RELN: variants seen among roughly 807,000 people sequenced by gnomAD.
RELN encodes the protein reelin.
RELN carries 108 observed loss-of-function variants against 427.6 expected under a neutral mutation model. The ratio of observed to expected loss-of-function variants is 0.25; its 90% CI spans 0.22 to 0.30. The LOEUF is 0.30. Ranked by LOEUF, RELN falls within the 10% of genes least tolerant of loss-of-function variation. RELN has a pLI of 1.00. For synonymous variants in RELN, 1,524 were observed against 1,513.4 expected, an observed-to-expected ratio of 1.01 and a Z score of -0.16; for missense variants, 3,715 against 4,302.8, an observed-to-expected ratio of 0.86 and a Z score of 3.82.
chr7:103,668,632 A>T lies in RELN; in HGVS notation c.1290-7105T>A, dbSNP rs192735452. Among the ~76,000 whole-genome samples, 62 of 152,328 alleles carry T rather than the reference A, an allele frequency of 4.1e-4. 1 individual carries two copies. The highest frequency in any genetic ancestry group is 7.2e-4 in the Non-Finnish European group (49 of 68,030). On this transcript the variant is annotated intron_variant, in intron 11 of 64. Transcript: ENST00000428762. ...GACAAAAATATTAGAAAATTCTTTT[A>T]AAAAAATTTTAACAGATTACATCAA...
intron 46 of RELN, among the ~76,000 whole-genome samples, chr7:103,531,771 A>C (rs186706625): frequency 9.9e-4 from 150 of 152,256 alleles, no homozygotes; most frequent in Admixed American, 1.5e-3. Context: ...CAAAAGTAAA[A>C]AAAACAAAAC....
intron 12 of RELN, among the ~76,000 whole-genome samples, chr7:103,654,559 T>C (rs1174170282): frequency 6.6e-6 from 1 of 152,114 alleles, no homozygotes; most frequent in African/African-American, 2.4e-5. Flanking sequence ...GAGGTTTTTA[T>C]GACCAAAGTT....
At chr7:103,954,036 G>A (rs2116771331) in intron 1 of RELN, among the ~76,000 whole-genome samples, 1 of 152,160 alleles carries the variant, frequency 6.6e-6, no homozygotes, top group Middle Eastern at 3.4e-3. Flanking sequence ...GATCACTTGA[G>A]GTCAAGAGTT....
intron 11 of RELN, among the ~76,000 whole-genome samples, chr7:103,674,697 T>C (rs527919909): frequency 2.0e-5 from 3 of 152,288 alleles, no homozygotes; most frequent in Middle Eastern, 3.4e-3. Context: ...CATGATCAAG[T>C]TGGCTTCATC....
intron 24 of RELN, among the ~76,000 whole-genome samples, chr7:103,601,657 T>C (rs931783681): frequency 2.0e-5 from 3 of 152,170 alleles, no homozygotes; most frequent in Admixed American, 6.5e-5. Context: ...ATTGCTCAGG[T>C]TGGATACTGG....
intron 3 of RELN, among the ~76,000 whole-genome samples, chr7:103,809,122 C>G (rs894280868): frequency 3.9e-5 from 6 of 152,160 alleles, no homozygotes; most frequent in African/African-American, 1.4e-4. Context: ...AGCTAGAAGT[C>G]AGTGCATTAC....
At chr7:103,832,080 A>G (rs1321362219) in intron 3 of RELN, among the ~76,000 whole-genome samples, 1 of 152,172 alleles carries the variant, frequency 6.6e-6, no homozygotes, top group African/African-American at 2.4e-5. Flanking sequence ...TGTAACTCAG[A>G]GGATAGGCAG....
chr7:103,862,088 C>T (rs901725003), intron 2 of RELN, among the ~76,000 whole-genome samples: 1 of 152,084 alleles, frequency 6.6e-6, no homozygotes, highest in African/African-American at 2.4e-5. Flanking sequence ...ATAACTCCAA[C>T]CTCTCTTGGA....
intron 41 of RELN, among the ~76,000 whole-genome samples, chr7:103,550,665 A>G (rs1830390781): frequency 7.0e-6 from 1 of 143,788 alleles, no homozygotes; most frequent in Non-Finnish European, 1.5e-5. Context: ...GTGGGCTTCT[A>G]TGCTCCCTAT....
intron 1 of RELN, among the ~76,000 whole-genome samples, chr7:103,959,163 G>A (rs190255882): frequency 3.9e-5 from 6 of 152,058 alleles, no homozygotes; most frequent in Admixed American, 6.6e-5. Flanking sequence ...GGCTGGTCTC[G>A]AATTCCTGAC....
intron 20 of RELN, 135 bp downstream of exon 20, chr7:103,629,805 T>C: frequency 1.4e-6 from 1 of 732,506 alleles, no homozygotes; most frequent in South Asian, 1.5e-5. Context: ...CTGAAAACAG[T>C]AGTTCTGTTT....
In RELN at chr7:103,861,684, G is replaced by C. The variant is rs557806011; in HGVS notation, c.338-28012C>G. 2.6e-5 allele frequency among the ~76,000 whole-genome samples: 4 copies of C among 152,234 alleles called. No homozygotes were observed. The East Asian group carries it at 7.7e-4, about 29-fold the overall frequency. On this transcript the variant is annotated intron_variant, in intron 2 of 64. Transcript: ENST00000428762. ...CCAGAAAGGTGAGAAATCAAAAATA[G>C]GTCATTGGATTTGGCTCATAGAATG...
intron 9 of RELN, among the ~76,000 whole-genome samples, 198 bp downstream of exon 9, chr7:103,700,712 G>A (rs767028666): frequency 4.6e-5 from 7 of 152,100 alleles, no homozygotes; most frequent in African/African-American, 9.7e-5. Flanking sequence ...AGGAAGTTCT[G>A]AATGGAAAAT....
At chr7:103,836,159 G>C (rs1377432316) in intron 2 of RELN, among the ~76,000 whole-genome samples, 2 of 151,848 alleles carry the variant, frequency 1.3e-5, no homozygotes, top group Non-Finnish European at 2.9e-5. Context: ...TAGAGATGGG[G>C]TTTCACCATG....
At chr7:103,523,976 T>C (rs183896976) in intron 46 of RELN, among the ~76,000 whole-genome samples, 22 of 152,318 alleles carry the variant, frequency 1.4e-4, no homozygotes, top group Non-Finnish European at 2.2e-4. Context: ...TGTGCCTGGC[T>C]GGCCATTATT....
At chr7:103,576,144 T>A (rs1175006274) in intron 28 of RELN, among the ~76,000 whole-genome samples, 1 of 152,058 alleles carries the variant, frequency 6.6e-6, no homozygotes, top group Non-Finnish European at 1.5e-5. Flanking sequence ...GGCAGGAGAA[T>A]TGCTTCAACC....
At chr7:103,694,467 AGATGATGATGATGAT>A (rs139140239) in intron 10 of RELN, among the ~76,000 whole-genome samples, 2 of 148,686 alleles carry the variant, frequency 1.3e-5, no homozygotes, top group African/African-American at 2.5e-5. Flanking sequence ...CAGTTAAATG[AGATGATGATGATGAT>A]GATGATGATG....
chr7:103,656,498 G>C (rs1167183580), intron 12 of RELN, among the ~76,000 whole-genome samples: 1 of 152,062 alleles, frequency 6.6e-6, no homozygotes, highest in Admixed American at 6.6e-5. Flanking sequence ...CACCCCATTG[G>C]TGTGCTCCTA....
chr7:103,606,689 C>G (rs1295127482), intron 22 of RELN, among the ~76,000 whole-genome samples: 1 of 152,144 alleles, frequency 6.6e-6, no homozygotes, highest in Non-Finnish European at 1.5e-5. Flanking sequence ...AGAAACTTGT[C>G]TTAGGTTACA....
Sources: allele counts gnomAD v4.1 joint callset (sites outside exome capture counted in the v4.1 genomes callset), GRCh38; gene constraint gnomAD v4.1.1; transcripts MANE v1.5; gene names NCBI Gene and HGNC (gene_info 2026-07-23, HGNC 2026-07-21).